TEX2: variants seen among roughly 807,000 people sequenced by gnomAD.
TEX2 encodes the protein testis expressed 2, also known as testis-expressed protein 2.
A neutral mutation model predicts 106.9 loss-of-function variants in TEX2; 53 were observed. The observed-to-expected ratio is 0.50, with a 90% CI of 0.40 to 0.62. The LOEUF (loss-of-function observed/expected upper bound fraction) is 0.62, where lower values mean the gene tolerates loss of function less well. Ranked by LOEUF, TEX2 falls within the 20% of genes least tolerant of loss-of-function variation. The probability of loss-of-function intolerance (pLI) is 0.00; values close to 1 mark genes in which losing one functional copy is unlikely to be tolerated. For synonymous variants in TEX2, 523 were observed against 534.8 expected (o/e 0.98, Z 0.30); for missense variants, 1,207 against 1,379.0 (o/e 0.88, Z 1.98).
At chr17:64,220,645 C>T (rs1036074749) in intron 1 of TEX2, among the ~76,000 whole-genome samples, 1 of 152,126 alleles carries the variant, frequency 6.6e-6, no homozygotes, top group Non-Finnish European at 1.5e-5. Context: ...ATCAAAACCA[C>T]AATGAGATAC....
At chr17:64,192,234 A>C (rs1042159091) in intron 4 of TEX2, among the ~76,000 whole-genome samples, 1 of 152,262 alleles carries the variant, frequency 6.6e-6, no homozygotes, top group African/African-American at 2.4e-5. Flanking sequence ...CCAGTATCTC[A>C]GAATGTGACC....
At chr17:64,199,820 G>C (rs1395801446) in intron 2 of TEX2, among the ~76,000 whole-genome samples, 1 of 152,156 alleles carries the variant, frequency 6.6e-6, no homozygotes, top group African/African-American at 2.4e-5. Flanking sequence ...GACAGTTCAG[G>C]GCCAGTTATT....
intron 7 of TEX2, among the ~76,000 whole-genome samples, chr17:64,170,622 C>CTTTTTTTTTTTTTTTTTTT (rs71156002): frequency 2.7e-5 from 2 of 73,742 alleles, no homozygotes; most frequent in Non-Finnish European, 4.7e-5. Flanking sequence ...TATTCCAAAT[C>CTTTTTTTTTTTTTTTTTTT]TTTTTTTTTT....
intron 2 of TEX2, among the ~76,000 whole-genome samples, chr17:64,207,830 G>A (rs1598179496): frequency 6.6e-6 from 1 of 152,004 alleles, no homozygotes; most frequent in Non-Finnish European, 1.5e-5. Context: ...CTGCCTCCCG[G>A]GTTCACGCCA....
intron 7 of TEX2, among the ~76,000 whole-genome samples, chr17:64,170,184 T>C (rs1164416667): frequency 6.6e-6 from 1 of 152,236 alleles, no homozygotes; most frequent in Non-Finnish European, 1.5e-5. Flanking sequence ...CTTAGTAACA[T>C]GTTTAAAAAC....
Position 64,175,278 on chromosome 17 carries a change from C to T in TEX2, c.2571+2047G>A, listed in dbSNP as rs79753069. ...CTTCACAGTGCAGCAGATCAGGAGG[C>T]GGGTGGAGGGTATGGATGGAACACA... On this transcript the variant is annotated intron_variant, in intron 6 of 11. Coordinates refer to ENST00000584379, the MANE Select transcript of TEX2 (RefSeq NM_001288732.2). Among the ~76,000 whole-genome samples the T allele has an allele frequency of 3.3e-3, 495 of 152,262 alleles. 4 individuals are homozygous for T. Among genetic ancestry groups the T allele is most frequent in the African/African-American group, 0.011 (454 of 41,534 alleles).
Position 64,252,203 on chromosome 17 carries a change from T to A in TEX2, c.-26+10965A>T, listed in dbSNP as rs547678396. 3.8e-3 allele frequency among the ~76,000 whole-genome samples: 580 copies of A among 152,314 alleles called. 4 individuals are homozygous for A. The highest frequency in any genetic ancestry group is 9.9e-3 in the South Asian group (48 of 4,826). On this transcript the variant is annotated intron_variant, in intron 1 of 11. Coordinates refer to ENST00000584379, the MANE Select transcript of TEX2 (RefSeq NM_001288732.2). ...ATGGAACATGGTTTCTCAGAACATGTTTTTGTAGGATGCTCCAAACCCTCT... is the reference window on the plus strand; with the variant it reads ...ATGGAACATGGTTTCTCAGAACATGATTTTGTAGGATGCTCCAAACCCTCT...
At chr17:64,221,313 T>C (rs999012871) in intron 1 of TEX2, among the ~76,000 whole-genome samples, 2 of 152,128 alleles carry the variant, frequency 1.3e-5, no homozygotes, top group Non-Finnish European at 2.9e-5. Context: ...TTTACCTATG[T>C]TAACAAACCT....
At chr17:64,241,603 G>GCCGC (rs1164719065) in intron 1 of TEX2, among the ~76,000 whole-genome samples, 7 of 152,140 alleles carry the variant, frequency 4.6e-5, no homozygotes, top group Admixed American at 4.6e-4. Flanking sequence ...TAAAAGTGGG[G>GCCGC]CCTCCTCATC....
Position 64,193,908 on chromosome 17 carries a change from G to T in TEX2, c.1846-19C>A, listed in dbSNP as rs781063264. 1 of 1,489,364 alleles carries T rather than the reference G, an allele frequency of 6.7e-7. No individual in the cohort carries two copies. Among genetic ancestry groups the T allele is most frequent in the Non-Finnish European group, 9.0e-7 (1 of 1,112,316 alleles). 92.3% of individuals were successfully genotyped at this position (1,489,364 alleles called of 1,614,324 possible). ...GATAAATCTACAGAGAAAGAAAAAT[G>T]ATGATTTATATATTAAAGATTGGCT... On this transcript the variant is annotated intron_variant, in intron 3 of 11. Coordinates refer to ENST00000584379, the MANE Select transcript of TEX2 (RefSeq NM_001288732.2).
At position 64,150,945 on chromosome 17, in the gene TEX2, G is replaced by C. The variant is rs373593978; in HGVS notation, c.3157C>G (p.Pro1053Ala). 5 of 1,613,812 alleles carry C rather than the reference G, an allele frequency of 3.1e-6. No homozygotes were observed. The highest frequency in any genetic ancestry group is 1.1e-5 in the South Asian group (1 of 90,990). Residue 1053 changes from proline to alanine, a missense_variant, in exon 11 of 12, where the codon CCA (proline) becomes GCA (alanine). By Grantham distance (27) the Pro-to-Ala change is conservative. Coordinates refer to ENST00000584379, the MANE Select transcript of TEX2 (RefSeq NM_001288732.2). ...CGAGCTTTCAGCTCCACATGTGGTG[G>C]CTTTCGGAAACCATACCTTTTTGAA... ...TDRVWYGFRK[P>A]PHVELKARPK...
intron 1 of TEX2, among the ~76,000 whole-genome samples, chr17:64,216,722 C>T (rs2033199180): frequency 6.6e-6 from 1 of 152,224 alleles, no homozygotes; most frequent in South Asian, 2.1e-4. Flanking sequence ...CTGGCACCTG[C>T]TCAGGAAGCA....
At chr17:64,160,025 T>C (rs907237791) in intron 8 of TEX2, among the ~76,000 whole-genome samples, 4 of 152,238 alleles carry the variant, frequency 2.6e-5, no homozygotes, top group Admixed American at 1.3e-4. Context: ...GACATTTTCA[T>C]GTCATCATAC....
At position 64,236,126 on chromosome 17, in the gene TEX2, C is replaced by T. The variant is rs1021710042; in HGVS notation, c.-25-21884G>A. On this transcript the variant is annotated intron_variant, in intron 1 of 11. Coordinates refer to ENST00000584379, the MANE Select transcript of TEX2 (RefSeq NM_001288732.2). ...TCTCCATACCCACAGGTTCCACATCCGCAGATTCAACCAACTACAGATCGA... is the reference window on the plus strand; with the variant it reads ...TCTCCATACCCACAGGTTCCACATCTGCAGATTCAACCAACTACAGATCGA... Among the ~76,000 whole-genome samples, 20 of 151,656 alleles carry T rather than the reference C, an allele frequency of 1.3e-4. No homozygotes were observed. In the Middle Eastern group the frequency reaches 0.014, roughly 103 times the overall value.
At chr17:64,197,805 T>G (rs1223378677) in intron 2 of TEX2, among the ~76,000 whole-genome samples, 2 of 152,102 alleles carry the variant, frequency 1.3e-5, no homozygotes, top group East Asian at 1.9e-4. Context: ...CTCAAGCAGT[T>G]CTCCCACCTT....
chr17:64,165,034 C>T (rs1598126839), intron 7 of TEX2, among the ~76,000 whole-genome samples: 2 of 152,350 alleles, frequency 1.3e-5, no homozygotes. Flanking sequence ...TTGGTCCTCA[C>T]GTTATTTTCT....
chr17:64,191,450 C>T (rs1195406650), intron 4 of TEX2, among the ~76,000 whole-genome samples: 1 of 152,150 alleles, frequency 6.6e-6, no homozygotes, highest in Non-Finnish European at 1.5e-5. Context: ...GACCAGTAGA[C>T]CTTTATATTT....
chr17:64,196,635 T>C (rs1567934083), intron 2 of TEX2, among the ~76,000 whole-genome samples: 1 of 152,204 alleles, frequency 6.6e-6, no homozygotes, highest in East Asian at 1.9e-4. Flanking sequence ...CAGATCACAG[T>C]GGGGCCTGAA....
chr17:64,168,237 T>G (rs932739983), intron 7 of TEX2, among the ~76,000 whole-genome samples: 1 of 152,154 alleles, frequency 6.6e-6, no homozygotes, highest in African/African-American at 2.4e-5. Flanking sequence ...CCAAAATGCT[T>G]ATTTATTTCT....
Sources: gnomAD v4.1 joint callset for allele counts (sites outside exome capture counted in the v4.1 genomes callset) on GRCh38, gnomAD v4.1.1 for gene constraint, MANE v1.5 for transcripts, NCBI Gene and HGNC (gene_info 2026-07-23, HGNC 2026-07-21) for gene names.